The following TCF4 variants were observed in gnomAD, a reference collection of about 807,000 sequenced individuals.
The protein encoded by TCF4 is transcription factor 4.
A neutral mutation model predicts 82.1 loss-of-function variants in TCF4; 3 were observed. The ratio of observed to expected loss-of-function variants is 0.04; its 90% confidence interval spans 0.02 to 0.09. TCF4 has a LOEUF of 0.09. Among genes scored for constraint, TCF4 ranks in the 10% least tolerant of loss-of-function variants. The pLI, the probability that TCF4 is intolerant of heterozygous loss-of-function variation, is 1.00. For synonymous variants in TCF4, 276 were observed against 309.6 expected, an observed-to-expected ratio of 0.89 and a Z score of 1.14; for missense variants, 518 against 852.7, an observed-to-expected ratio of 0.61 and a Z score of 4.89.
chr18:55,599,194 A>C (rs1159630732), intron 2 of TCF4, among the ~76,000 whole-genome samples: 3 of 152,210 alleles, frequency 2.0e-5, no homozygotes, highest in African/African-American at 4.8e-5. Flanking sequence ...AGAAAGCTCA[A>C]GATTTTCCAA....
At chr18:55,346,030 A>T (rs904955734) in intron 8 of TCF4, among the ~76,000 whole-genome samples, 15 of 152,148 alleles carry the variant, frequency 9.9e-5, no homozygotes, top group African/African-American at 3.4e-4. Context: ...CTGGGATAAA[A>T]GGGGTTTTCC....
At chr18:55,431,595 A>G (rs991576495) in intron 5 of TCF4, among the ~76,000 whole-genome samples, 3 of 151,886 alleles carry the variant, frequency 2.0e-5, no homozygotes, top group African/African-American at 7.3e-5. Flanking sequence ...TTTCTTTCTT[A>G]CTTCTCTCCT....
At chr18:55,625,393 C>G (rs1425769160) in intron 2 of TCF4, among the ~76,000 whole-genome samples, 1 of 152,058 alleles carries the variant, frequency 6.6e-6, no homozygotes, top group African/African-American at 2.4e-5. Context: ...CGCACACCAC[C>G]ATGCCCAGCT....
intron 9 of TCF4, 122 bp from the exon 10 acceptor site, chr18:55,275,874 T>A: frequency 8.1e-7 from 1 of 1,238,148 alleles, no homozygotes; most frequent in Non-Finnish European, 1.2e-6. Flanking sequence ...GTTGGTTAGC[T>A]GATTACATCA....
chr18:55,413,067 A>G (rs1443947867), intron 5 of TCF4, among the ~76,000 whole-genome samples: 1 of 152,224 alleles, frequency 6.6e-6, no homozygotes, highest in African/African-American at 2.4e-5. Context: ...AGAATATAAC[A>G]ATGTTCATCT....
chr18:55,376,489 A>G (rs1390601374), intron 6 of TCF4, among the ~76,000 whole-genome samples: 1 of 152,186 alleles, frequency 6.6e-6, no homozygotes, highest in African/African-American at 2.4e-5. Flanking sequence ...TAGAATCCAG[A>G]GTCTGACCTC....
At chr18:55,566,649 T>C (rs887354733) in intron 3 of TCF4, among the ~76,000 whole-genome samples, 1 of 152,130 alleles carries the variant, frequency 6.6e-6, no homozygotes, top group Non-Finnish European at 1.5e-5. Flanking sequence ...AAGGGAGAAT[T>C]TGTAAACTGG....
chr18:55,593,287 T>G (rs2097687606), upstream of TCF4, among the ~76,000 whole-genome samples: 1 of 152,186 alleles, frequency 6.6e-6, no homozygotes, highest in Admixed American at 6.5e-5. Flanking sequence ...ATAACTATCT[T>G]AAATACCTTA....
At chr18:55,293,122 T>TACAAA (rs2065513996) in intron 8 of TCF4, among the ~76,000 whole-genome samples, 1 of 152,116 alleles carries the variant, frequency 6.6e-6, no homozygotes, top group Non-Finnish European at 1.5e-5. Flanking sequence ...TTTTACATTA[T>TACAAA]GTGACTTTCA....
At chr18:55,422,100 CAA>C (rs11412305) in intron 5 of TCF4, 259 of 444,362 alleles carry the variant, frequency 5.8e-4, no homozygotes, top group African/African-American at 1.6e-3. Flanking sequence ...AGAAAAAGCA[CAA>C]AAAAAAAAAA....
intron 10 of TCF4, among the ~76,000 whole-genome samples, chr18:55,273,482 A>G (rs1337303850): frequency 6.6e-6 from 1 of 152,144 alleles, no homozygotes; most frequent in Non-Finnish European, 1.5e-5. Flanking sequence ...ATATATTCAA[A>G]GTATTGTCAG....
chr18:55,601,458 A>G (rs1359731744), intron 2 of TCF4, among the ~76,000 whole-genome samples: 1 of 89,996 alleles, frequency 1.1e-5, no homozygotes, highest in Admixed American at 1.4e-4. Flanking sequence ...TTTACATTCC[A>G]TAACTGAGAA....
At chr18:55,353,926 A>G (rs892428054) in intron 6 of TCF4, among the ~76,000 whole-genome samples, 3 of 152,188 alleles carry the variant, frequency 2.0e-5, no homozygotes, top group Non-Finnish European at 2.9e-5. Context: ...TCCTGGCCTT[A>G]AATAGGATTA....
chr18:55,280,204 T>C (rs1267631953), intron 8 of TCF4, among the ~76,000 whole-genome samples: 9 of 152,192 alleles, frequency 5.9e-5, no homozygotes, highest in Non-Finnish European at 1.3e-4. Context: ...GTCAGCTTTT[T>C]GCAGAGATGC....
At chr18:55,429,182 A>C (rs2095096794) in intron 5 of TCF4, among the ~76,000 whole-genome samples, 1 of 152,194 alleles carries the variant, frequency 6.6e-6, no homozygotes, top group Non-Finnish European at 1.5e-5. Context: ...GGGTTGTCTA[A>C]AGTGAAAAAA....
chr18:55,506,604 C>T (rs1036967129), intron 3 of TCF4, among the ~76,000 whole-genome samples: 6 of 152,076 alleles, frequency 3.9e-5, no homozygotes, highest in African/African-American at 1.4e-4. Context: ...AATATTTCCA[C>T]AAGCAAGCAT....
At chr18:55,447,830 T>C (rs2095552521) in intron 5 of TCF4, among the ~76,000 whole-genome samples, 1 of 152,098 alleles carries the variant, frequency 6.6e-6, no homozygotes, top group Non-Finnish European at 1.5e-5. Flanking sequence ...ACAGCTAAGA[T>C]ATGAAGTGTA....
intron 5 of TCF4, among the ~76,000 whole-genome samples, chr18:55,406,887 C>T (rs1032656723): frequency 1.3e-5 from 2 of 152,206 alleles, no homozygotes; most frequent in Admixed American, 6.5e-5. Flanking sequence ...ATGCGACAGC[C>T]GCTGCGGATA....
intron 8 of TCF4, among the ~76,000 whole-genome samples, chr18:55,330,106 G>A (rs1256000690): frequency 6.6e-6 from 1 of 151,404 alleles, no homozygotes; most frequent in Admixed American, 6.6e-5. Flanking sequence ...ATATGATAAA[G>A]ACAAGAGTTC....
Sources: gnomAD v4.1 joint callset for allele counts (sites outside exome capture counted in the v4.1 genomes callset) on GRCh38, gnomAD v4.1.1 for gene constraint, MANE v1.5 for transcripts, NCBI Gene and HGNC (gene_info 2026-07-23, HGNC 2026-07-21) for gene names.